The following GRIN2A variants were observed in gnomAD, a reference collection of about 807,000 sequenced individuals.
GRIN2A encodes glutamate ionotropic receptor NMDA type subunit 2A, also known as glutamate receptor ionotropic, NMDA 2A.
Under a neutral mutation model 113.4 loss-of-function variants are expected in GRIN2A, and 22 were observed. The observed-to-expected ratio is 0.19, with a 90% CI of 0.14 to 0.28. The LOEUF is 0.28. Ranked by LOEUF, GRIN2A falls within the 10% of genes least tolerant of loss-of-function variation. The pLI is 1.00. For synonymous variants in GRIN2A, 827 were observed against 738.4 expected (o/e 1.12, Z -1.94); for missense variants, 1,502 against 1,887.0 (o/e 0.80, Z 3.78).
chr16:10,128,994 C>T (rs912099355), intron 2 of GRIN2A, among the ~76,000 whole-genome samples: 5 of 152,168 alleles, frequency 3.3e-5, no homozygotes, highest in Non-Finnish European at 5.9e-5. Flanking sequence ...ATTTCATCCC[C>T]GTAACCAATC....
intron 2 of GRIN2A, among the ~76,000 whole-genome samples, chr16:10,123,475 G>A (rs1261944105): frequency 6.6e-6 from 1 of 152,202 alleles, no homozygotes; most frequent in Admixed American, 6.5e-5. Context: ...GCAAGATACT[G>A]AAGTCGCACG....
At chr16:9,781,007 T>TTTTTTTTTTTAA in intron 11 of GRIN2A, among the ~76,000 whole-genome samples, 1 of 151,734 alleles carries the variant, frequency 6.6e-6, no homozygotes, top group African/African-American at 2.4e-5. Flanking sequence ...TTTTTTTTTT[T>TTTTTTTTTTTAA]ATGGTAAACG....
chr16:9,919,465 G>C (rs756427568), intron 3 of GRIN2A, among the ~76,000 whole-genome samples: 24 of 152,130 alleles, frequency 1.6e-4, no homozygotes, highest in Admixed American at 1.3e-4. Context: ...AGATGCATGG[G>C]ATTATTCTGA....
intron 2 of GRIN2A, among the ~76,000 whole-genome samples, chr16:10,078,198 G>A (rs553568786): frequency 2.0e-5 from 3 of 152,184 alleles, no homozygotes; most frequent in African/African-American, 4.8e-5. Context: ...CTTAGTCCAC[G>A]GATTGAAACA....
Position 9,849,803 on chromosome 16 carries a change from C to T in GRIN2A, c.1281G>A (p.Glu427=). The T allele has an allele frequency of 6.2e-7, 1 of 1,614,112 alleles. No homozygotes were observed. Among genetic ancestry groups the T allele is most frequent in the East Asian group, 2.2e-5 (1 of 44,862 alleles). ...VIVEDIDPLT[E]TCVRNTVPCR... is the part of the protein sequence containing the mutation. Reference sequence around the variant, plus strand: ...ATGGCACGGTGTTCCTCACACACGTCTCGGTCAGGGGGTCTATGTCTTCCA... The same window carrying T: ...ATGGCACGGTGTTCCTCACACACGTTTCGGTCAGGGGGTCTATGTCTTCCA... Residue 427 remains glutamate (E), a synonymous_variant, in exon 5 of 13, where the codon GAG becomes GAA. Transcript: ENST00000330684.
chr16:10,070,482 C>A (rs2047728657), intron 2 of GRIN2A, among the ~76,000 whole-genome samples: 1 of 152,122 alleles, frequency 6.6e-6, no homozygotes, highest in South Asian at 2.1e-4. Context: ...CAGCCATCTA[C>A]AACATTGCCA....
At chr16:10,076,577 T>A (rs2047876968) in intron 2 of GRIN2A, among the ~76,000 whole-genome samples, 1 of 152,188 alleles carries the variant, frequency 6.6e-6, no homozygotes, top group Admixed American at 6.5e-5. Context: ...GAACTCAAAC[T>A]GTATTCTTGT....
intron 2 of GRIN2A, chr16:10,111,575 T>C: frequency 1.1e-6 from 1 of 893,036 alleles, no homozygotes; most frequent in African/African-American, 1.6e-5. Context: ...AAGACACCAC[T>C]GATCTCTTCC....
chr16:9,846,199 C>T (rs1367518136), intron 5 of GRIN2A, among the ~76,000 whole-genome samples: 1 of 152,002 alleles, frequency 6.6e-6, no homozygotes, highest in African/African-American at 2.4e-5. Context: ...CTTGGTGGGC[C>T]CCACCTCTTC....
chr16:9,789,873 A>G (rs1192116376), intron 11 of GRIN2A, among the ~76,000 whole-genome samples: 2 of 152,206 alleles, frequency 1.3e-5, no homozygotes, highest in Non-Finnish European at 2.9e-5. Flanking sequence ...AAGGCATTAG[A>G]GCTACAGTTT....
intron 2 of GRIN2A, among the ~76,000 whole-genome samples, chr16:10,069,934 G>A (rs1047330429): frequency 1.3e-5 from 2 of 152,144 alleles, no homozygotes; most frequent in Non-Finnish European, 2.9e-5. Context: ...GTTAAGGGTG[G>A]GGAGCAAGAG....
At position 9,840,539 on chromosome 16, in the gene GRIN2A, A is replaced by G. The variant is rs1446673676; in HGVS notation, c.1651+108T>C. 6.7e-6 allele frequency: 7 copies of G among 1,040,520 alleles called. No homozygotes were observed. In the East Asian group the frequency reaches 1.5e-4, roughly 22 times the overall value. The allele number at this position is 1,040,520 out of a possible 1,614,324, so 64.5% of individuals were successfully genotyped here. A position where few individuals can be genotyped will look rare whatever the true frequency, so the allele number is the denominator to read the frequency against. On this transcript the variant is annotated intron_variant, in intron 7 of 12. Transcript: ENST00000330684. ...GCAGCATCCTCTGAAATATGCTGCC[A>G]TGGCCAAACAGAGCTAAACAAGTTC...
At chr16:10,019,277 T>C (rs1165138934) in intron 2 of GRIN2A, among the ~76,000 whole-genome samples, 1 of 152,218 alleles carries the variant, frequency 6.6e-6, no homozygotes, top group African/African-American at 2.4e-5. Context: ...GTGACAAGCA[T>C]TTGATACATG....
chr16:9,924,803 A>C (rs1340012258), intron 3 of GRIN2A, among the ~76,000 whole-genome samples: 4 of 152,192 alleles, frequency 2.6e-5, no homozygotes, highest in Admixed American at 2.0e-4. Flanking sequence ...ACCTGCCATT[A>C]ATCCATCCAG....
intron 2 of GRIN2A, chr16:10,031,586 T>C (rs2046929810): frequency 6.6e-6 from 1 of 152,236 alleles, no homozygotes; most frequent in Admixed American, 6.5e-5. Context: ...TGCACAATAA[T>C]TACCCATGGA....
chr16:9,968,145 T>C (rs1044225916), intron 2 of GRIN2A, among the ~76,000 whole-genome samples: 2 of 152,078 alleles, frequency 1.3e-5, no homozygotes, highest in South Asian at 4.1e-4. Flanking sequence ...TGAAAATAGA[T>C]ACAAGTTAAT....
intron 2 of GRIN2A, among the ~76,000 whole-genome samples, chr16:10,169,642 T>C (rs2049999625): frequency 6.6e-6 from 1 of 152,130 alleles, no homozygotes; most frequent in Admixed American, 6.5e-5. Flanking sequence ...AGTAGAAGAA[T>C]GGGAAGGATC....
chr16:10,033,509 G>T (rs780826944), intron 2 of GRIN2A, among the ~76,000 whole-genome samples: 1 of 152,234 alleles, frequency 6.6e-6, no homozygotes, highest in African/African-American at 2.4e-5. Flanking sequence ...GTTAGAACAG[G>T]GCCATGATCT....
At position 9,938,389 on chromosome 16, in the gene GRIN2A, T is replaced by G. The variant is rs778870912; in HGVS notation, c.577A>C (p.Asn193His). 1 of 1,614,116 alleles carries G rather than the reference T, an allele frequency of 6.2e-7. No individual in the cohort carries two copies. ...TGCATGTCCCAGCCCACAAAGCTGTTGTCCACTGTGGTCTTGACGAAGCTG... is the reference window on the plus strand; with the variant it reads ...TGCATGTCCCAGCCCACAAAGCTGTGGTCCACTGTGGTCTTGACGAAGCTG... ...FISFVKTTVD[N>H]SFVGWDMQNV... Residue 193 changes from asparagine to histidine, a missense_variant, in exon 3 of 13, where the codon AAC (asparagine) becomes CAC (histidine). Around this residue, in one of 7 missense-constraint regions of GRIN2A, gnomAD observed 334 missense variants for 403.0 expected, o/e 0.83. Coordinates refer to ENST00000330684, the MANE Select transcript of GRIN2A (RefSeq NM_001134407.3).
Sources: gnomAD v4.1 joint callset for allele counts (sites outside exome capture counted in the v4.1 genomes callset) on GRCh38, gnomAD v4.1.1 for gene constraint, gnomAD v4.1.1 regional missense constraint, MANE v1.5 for transcripts, NCBI Gene and HGNC (gene_info 2026-07-23, HGNC 2026-07-21) for gene names.